Variants in SCLT1 observed in about 807,000 individuals in gnomAD.
The protein encoded by SCLT1 is sodium channel-associated protein 1.
In SCLT1, 78 loss-of-function variants were observed where a neutral mutation model predicts 112.8. The observed-to-expected ratio is 0.69, with a 90% CI of 0.58 to 0.83. The LOEUF (loss-of-function observed/expected upper bound fraction) is 0.83, where lower values mean the gene tolerates loss of function less well. Ranked by LOEUF, SCLT1 falls within the 40% of genes least tolerant of loss-of-function variation. SCLT1 has a pLI of 0.00. For missense variants in SCLT1, 747 were observed against 770.4 expected (o/e 0.97, Z 0.36); for synonymous variants, 257 against 254.7 (o/e 1.01, Z -0.09).
At chr4:129,017,009 T>C (rs1345756173) in intron 5 of SCLT1, among the ~76,000 whole-genome samples, 1 of 152,254 alleles carries the variant, frequency 6.6e-6, no homozygotes, top group East Asian at 1.9e-4. Flanking sequence ...CAAAGTGTTC[T>C]GCATACCATT....
At chr4:128,924,550 G>A (rs1021508935) in intron 18 of SCLT1, among the ~76,000 whole-genome samples, 6 of 152,076 alleles carry the variant, frequency 3.9e-5, no homozygotes, top group Non-Finnish European at 5.9e-5. Context: ...GGGATTACAG[G>A]CATGAGCCAC....
chr4:129,082,456 T>C lies in SCLT1; in HGVS notation c.35-83A>G, dbSNP rs748865694. On this transcript the variant is annotated intron_variant, in intron 1 of 20. Coordinates refer to ENST00000281142, the MANE Select transcript of SCLT1 (RefSeq NM_144643.4). ...CTAGAAATACAGTAATTATTTGATG[T>C]ATCCCATGCAAAACGGCTAGTCTTC... 47 of 736,564 alleles carry C rather than the reference T, an allele frequency of 6.4e-5. No homozygotes were observed. The Admixed American group carries it at 7.5e-4, about 12-fold the overall frequency. 45.6% of individuals were successfully genotyped at this position (736,564 alleles called of 1,614,324 possible).
chr4:128,969,718 T>C (rs1307191457), intron 10 of SCLT1, among the ~76,000 whole-genome samples: 1 of 152,190 alleles, frequency 6.6e-6, no homozygotes, highest in African/African-American at 2.4e-5. Context: ...ACATCCAAAA[T>C]TTAACAATTC....
intron 5 of SCLT1, among the ~76,000 whole-genome samples, chr4:129,029,045 G>A (rs979849852): frequency 5.3e-5 from 8 of 152,298 alleles, no homozygotes; most frequent in East Asian, 3.9e-4. Context: ...TGGAGAGGAT[G>A]CGGAGAAATA....
intron 18 of SCLT1, among the ~76,000 whole-genome samples, chr4:128,926,744 AG>A (rs1346271428): frequency 6.6e-6 from 1 of 152,028 alleles, no homozygotes; most frequent in Non-Finnish European, 1.5e-5. Context: ...GTTCATATAT[AG>A]TTTGTAACAG....
At chr4:129,058,120 TTTTTCCTTGGTTA>T (rs1280454046) in intron 2 of SCLT1, among the ~76,000 whole-genome samples, 2 of 152,210 alleles carry the variant, frequency 1.3e-5, no homozygotes, top group African/African-American at 2.4e-5. Context: ...ATCTTTTCAC[TTTTTCCTTGGTTA>T]TTTTGCCATG....
At chr4:128,985,620 T>C (rs150221737) in intron 9 of SCLT1, among the ~76,000 whole-genome samples, 10 of 152,368 alleles carry the variant, frequency 6.6e-5, no homozygotes, top group South Asian at 2.1e-4. Context: ...TCACTGACTA[T>C]GAGTTGTCTT....
At chr4:128,950,137 T>A (rs1469080734) in intron 14 of SCLT1, among the ~76,000 whole-genome samples, 1 of 152,152 alleles carries the variant, frequency 6.6e-6, no homozygotes, top group Admixed American at 6.5e-5. Context: ...ATTCATATAG[T>A]AAGTTGCTTA....
chr4:128,995,240 C>T (rs13134769), intron 8 of SCLT1, among the ~76,000 whole-genome samples: 13,398 of 152,078 alleles, frequency 0.088, 755 homozygotes, highest in South Asian at 0.15. Flanking sequence ...GTTTTGAATA[C>T]GAATATCTAG....
intron 20 of SCLT1, among the ~76,000 whole-genome samples, chr4:128,885,732 C>T (rs1732845266): frequency 6.6e-6 from 1 of 152,238 alleles, no homozygotes; most frequent in African/African-American, 2.4e-5. Context: ...TACTGCCAAA[C>T]TGTGCTCCGG....
intron 18 of SCLT1, among the ~76,000 whole-genome samples, chr4:128,902,086 G>T (rs1327090780): frequency 6.6e-6 from 1 of 151,868 alleles, no homozygotes; most frequent in East Asian, 1.9e-4. Flanking sequence ...CTTGTGTTTT[G>T]TAGAGATGAT....
intron 15 of SCLT1, among the ~76,000 whole-genome samples, chr4:128,948,204 C>G (rs1738352074): frequency 1.3e-5 from 2 of 151,664 alleles, no homozygotes; most frequent in African/African-American, 4.8e-5. Flanking sequence ...GGCATGGTGG[C>G]ACACGCCTCT....
chr4:128,880,674 T>C (rs1732618677), downstream of SCLT1, among the ~76,000 whole-genome samples: 1 of 152,234 alleles, frequency 6.6e-6, no homozygotes, highest in South Asian at 2.1e-4. Context: ...AAAGCTAACA[T>C]AATTTTAAGC....
intron 14 of SCLT1, among the ~76,000 whole-genome samples, chr4:128,950,978 G>A (rs1738681682): frequency 1.3e-5 from 2 of 151,958 alleles, no homozygotes; most frequent in Admixed American, 1.3e-4. Flanking sequence ...TAATGGCTCC[G>A]GCTTTTTCTT....
At chr4:128,946,609 C>G (rs904015448) in intron 15 of SCLT1, among the ~76,000 whole-genome samples, 1 of 152,108 alleles carries the variant, frequency 6.6e-6, no homozygotes, top group Admixed American at 6.5e-5. Flanking sequence ...ATTATTCATG[C>G]TCATGGTAAA....
chr4:129,046,500 A>C (rs1748194656), intron 2 of SCLT1, among the ~76,000 whole-genome samples: 1 of 152,054 alleles, frequency 6.6e-6, no homozygotes, highest in African/African-American at 2.4e-5. Flanking sequence ...TACTGCTGTG[A>C]GTAATTTTGG....
intron 14 of SCLT1, among the ~76,000 whole-genome samples, chr4:128,949,743 T>C (rs1474687235): frequency 9.3e-5 from 14 of 151,172 alleles, no homozygotes; most frequent in African/African-American, 3.4e-4. Flanking sequence ...TATTCCATGG[T>C]GTATATGTGC....
chr4:128,957,245 TATCA>T, intron 12 of SCLT1, 121 bp from the exon 13 acceptor site: 1 of 550,404 alleles, frequency 1.8e-6, no homozygotes, highest in Non-Finnish European at 3.2e-6. Flanking sequence ...TCTACTTGAA[TATCA>T]TGTTGAAATC....
chr4:128,982,820 C>T (rs2126054607), intron 9 of SCLT1, among the ~76,000 whole-genome samples: 1 of 151,900 alleles, frequency 6.6e-6, no homozygotes, highest in South Asian at 2.1e-4. Flanking sequence ...TTATTTTTAA[C>T]AAATATTCTG....
Sources: allele counts gnomAD v4.1 joint callset (sites outside exome capture counted in the v4.1 genomes callset), GRCh38; gene constraint gnomAD v4.1.1; transcripts MANE v1.5; gene names NCBI Gene and HGNC (gene_info 2026-07-23, HGNC 2026-07-21).